MB21D2: variants seen among roughly 807,000 people sequenced by gnomAD.
The protein encoded by MB21D2 is Mab-21 domain containing 2.
A neutral mutation model predicts 33.3 loss-of-function variants in MB21D2; 9 were observed. The observed-to-expected ratio is 0.27, with a 90% CI of 0.16 to 0.47. The LOEUF (loss-of-function observed/expected upper bound fraction) is 0.47. Among genes scored for constraint, MB21D2 ranks in the 20% least tolerant of loss-of-function variants. MB21D2 has a pLI of 0.99. For synonymous variants in MB21D2, 241 were observed against 236.3 expected (o/e 1.02, Z -0.18); for missense variants, 540 against 624.6 (o/e 0.86, Z 1.44).
At chr3:192,806,269 T>C (rs943889273) in intron 1 of MB21D2, among the ~76,000 whole-genome samples, 6 of 152,202 alleles carry the variant, frequency 3.9e-5, no homozygotes, top group South Asian at 2.1e-4. Context: ...AAGACAACAA[T>C]ACACAATCGT....
At chr3:192,859,623 C>T (rs1408816145) in intron 1 of MB21D2, among the ~76,000 whole-genome samples, 1 of 136,056 alleles carries the variant, frequency 7.3e-6, no homozygotes, top group South Asian at 2.1e-4. Flanking sequence ...ACTTTATCCA[C>T]AGTACCAAGC....
At chr3:192,891,935 C>T (rs1353758906) in intron 1 of MB21D2, among the ~76,000 whole-genome samples, 16 of 152,010 alleles carry the variant, frequency 1.1e-4, no homozygotes, top group Non-Finnish European at 4.4e-5. Flanking sequence ...GACTTTAGGC[C>T]TATTATTTAA....
chr3:192,800,515 T>C (rs898681641), intron 1 of MB21D2, among the ~76,000 whole-genome samples: 6 of 152,230 alleles, frequency 3.9e-5, no homozygotes, highest in African/African-American at 1.2e-4. Context: ...ACCACTGACA[T>C]GCATTAGCAA....
chr3:192,882,285 G>A (rs1713614630), intron 1 of MB21D2, among the ~76,000 whole-genome samples: 1 of 152,098 alleles, frequency 6.6e-6, no homozygotes, highest in South Asian at 2.1e-4. Context: ...ATGTTGGTTA[G>A]GCTGGTCTCG....
intron 1 of MB21D2, among the ~76,000 whole-genome samples, chr3:192,827,096 C>T (rs979029793): frequency 9.9e-5 from 15 of 152,046 alleles, no homozygotes; most frequent in African/African-American, 3.6e-4. Flanking sequence ...CGGGGTTTCA[C>T]CATGTTAGCC....
chr3:192,796,985 G>A lies in MB21D2; in HGVS notation c.*1401C>T, dbSNP rs1183663090. On this transcript the variant is annotated 3_prime_UTR_variant, in exon 2 of 2. Transcript: ENST00000392452. ...CCAACCCTTGAGTTTGGACATTCAA[G>A]ACCAAAATGAACACGTTACTTGCCC... 6.6e-6 allele frequency: 1 copy of A among 152,584 alleles called. No individual in the cohort carries two copies. Among genetic ancestry groups the A allele is most frequent in the African/African-American group, 2.4e-5 (1 of 41,436 alleles). The allele number at this position is 152,584 out of a possible 1,614,324, so 9.5% of individuals were successfully genotyped here.
At chr3:192,911,042 A>C (rs1017042689) in intron 1 of MB21D2, among the ~76,000 whole-genome samples, 12 of 152,232 alleles carry the variant, frequency 7.9e-5, no homozygotes. Flanking sequence ...GACTTGCCCA[A>C]CGTCACACAG....
intron 1 of MB21D2, among the ~76,000 whole-genome samples, chr3:192,897,637 A>G (rs143191013): frequency 6.6e-6 from 1 of 152,290 alleles, no homozygotes; most frequent in East Asian, 1.9e-4. Flanking sequence ...GATCAAACAC[A>G]TATGGGGGAG....
chr3:192,853,028 GTCTCTC>G (rs10541418), intron 1 of MB21D2, among the ~76,000 whole-genome samples: 48,222 of 148,338 alleles, frequency 0.33, 8,088 homozygotes, highest in East Asian at 0.61. Flanking sequence ...ATCTCTCTCT[GTCTCTC>G]TCTCTCTCTC....
intron 1 of MB21D2, among the ~76,000 whole-genome samples, chr3:192,801,387 T>C (rs1711559546): frequency 6.6e-6 from 1 of 152,240 alleles, no homozygotes; most frequent in Non-Finnish European, 1.5e-5. Context: ...TTGCTCTTCA[T>C]AGGACAATCC....
In MB21D2 at chr3:192,839,087, G is replaced by C. The variant is rs73890336; in HGVS notation, c.212-39437C>G. 5.2e-3 allele frequency among the ~76,000 whole-genome samples: 798 copies of C among 152,276 alleles called. 2 individuals are homozygous for C. Among genetic ancestry groups the C allele is most frequent in the African/African-American group, 0.018 (762 of 41,542 alleles). On this transcript the variant is annotated intron_variant, in intron 1 of 1. Transcript: ENST00000392452. Reference sequence around the variant, plus strand: ...TACTTATGACTTCATGATGGTGAGGGGGTGGATTGGGAGGCAAGGATTTTG... The same window carrying C: ...TACTTATGACTTCATGATGGTGAGGCGGTGGATTGGGAGGCAAGGATTTTG...
chr3:192,899,860 G>A (rs963971963), intron 1 of MB21D2, among the ~76,000 whole-genome samples: 2 of 45,088 alleles, frequency 4.4e-5, no homozygotes, highest in African/African-American at 1.6e-4. Flanking sequence ...AGCAGGTTTG[G>A]GGCACAGATA....
chr3:192,821,623 G>A (rs1327276055), intron 1 of MB21D2, among the ~76,000 whole-genome samples: 1 of 152,192 alleles, frequency 6.6e-6, no homozygotes, highest in East Asian at 1.9e-4. Flanking sequence ...AGGGAAACTG[G>A]AAATTGCTTT....
At position 192,828,593 on chromosome 3, in the gene MB21D2, TATATATATATA is replaced by T. The variant is rs1712232983; in HGVS notation, c.212-28954_212-28944del. On this transcript the variant is annotated intron_variant, in intron 1 of 1. Transcript: ENST00000392452. ...TATACAATAAAACTCACCCCCCCCA[TATATATATATA>T]TATATATATATATATATATATATAT... Among the ~76,000 whole-genome samples the T allele has an allele frequency of 1.5e-3, 20 of 13,700 alleles. 2 individuals are homozygous for T. Among genetic ancestry groups the T allele is most frequent in the South Asian group, 4.5e-3 (1 of 224 alleles). 9.0% of individuals were successfully genotyped at this position (13,700 alleles called of 152,430 possible).
intron 1 of MB21D2, among the ~76,000 whole-genome samples, chr3:192,864,569 C>A (rs1713126692): frequency 6.6e-6 from 1 of 152,162 alleles, no homozygotes; most frequent in Non-Finnish European, 1.5e-5. Context: ...TGCAATGGCA[C>A]AATCTTGGCT....
intron 1 of MB21D2, among the ~76,000 whole-genome samples, chr3:192,807,336 A>C (rs201528099): frequency 3.8e-5 from 1 of 26,394 alleles, no homozygotes; most frequent in African/African-American, 5.4e-4. Context: ...TGAAAGGCCA[A>C]AAAAAAAAAA....
intron 1 of MB21D2, among the ~76,000 whole-genome samples, chr3:192,856,742 G>T (rs1225396948): frequency 6.6e-6 from 1 of 151,958 alleles, no homozygotes; most frequent in Non-Finnish European, 1.5e-5. Flanking sequence ...TTGTAGAGGT[G>T]GGGTTTCACC....
chr3:192,846,959 G>A (rs1355528304), intron 1 of MB21D2, among the ~76,000 whole-genome samples: 1 of 152,162 alleles, frequency 6.6e-6, no homozygotes, highest in African/African-American at 2.4e-5. Context: ...AATCTCCCAA[G>A]TGGTCTGATT....
chr3:192,883,069 T>C (rs1713642129), intron 1 of MB21D2, among the ~76,000 whole-genome samples: 1 of 151,990 alleles, frequency 6.6e-6, no homozygotes, highest in African/African-American at 2.4e-5. Context: ...GGTTTCACCA[T>C]GTAGGCCAGG....
Sources: gnomAD v4.1 joint callset for allele counts (sites outside exome capture counted in the v4.1 genomes callset) on GRCh38, gnomAD v4.1.1 for gene constraint, MANE v1.5 for transcripts, NCBI Gene and HGNC (gene_info 2026-07-23, HGNC 2026-07-21) for gene names.